Variants in COBLL1 observed in about 807,000 individuals in gnomAD.
COBLL1 encodes the protein cordon-bleu protein-like 1.
A neutral mutation model predicts 94.8 loss-of-function variants in COBLL1; 50 were observed. The ratio of observed to expected loss-of-function variants is 0.53; its 90% CI spans 0.42 to 0.67. COBLL1 has a LOEUF of 0.67. Ranked by LOEUF, COBLL1 falls within the 30% of genes least tolerant of loss-of-function variation. COBLL1 has a pLI of 0.00. For synonymous variants in COBLL1, 448 were observed against 473.8 expected (o/e 0.95, Z 0.71); for missense variants, 1,362 against 1,348.7 (o/e 1.01, Z -0.15).
chr2:164,720,714 C>T (rs1387350823), intron 7 of COBLL1, among the ~76,000 whole-genome samples: 1 of 152,128 alleles, frequency 6.6e-6, no homozygotes, highest in Admixed American at 6.5e-5. Context: ...TGCTCATGTC[C>T]AGGCAAGCCA....
chr2:164,839,721 G>A (rs192220162), intron 2 of COBLL1, among the ~76,000 whole-genome samples: 3 of 151,924 alleles, frequency 2.0e-5, no homozygotes, highest in Non-Finnish European at 2.9e-5. Flanking sequence ...CTGTCTCATC[G>A]TCAATTCACA....
At chr2:164,689,972 A>C (rs1310614225) in intron 13 of COBLL1, among the ~76,000 whole-genome samples, 1 of 152,146 alleles carries the variant, frequency 6.6e-6, no homozygotes, top group Non-Finnish European at 1.5e-5. Flanking sequence ...AACTTTATGC[A>C]TATATATCTG....
In COBLL1 at chr2:164,728,941, G is replaced by A. The variant is rs929289816; in HGVS notation, c.433-744C>T. Among the ~76,000 whole-genome samples, 23 of 151,806 alleles carry A rather than the reference G, an allele frequency of 1.5e-4. 1 individual carries two copies. Among genetic ancestry groups the A allele is most frequent in the African/African-American group, 5.1e-4 (21 of 41,366 alleles). ...AACATGAGACCATACTAAGTGAAAC[G>A]TACATTTTGCAGGTCCTTAAAGACC... On this transcript the variant is annotated intron_variant, in intron 4 of 13. Transcript: ENST00000652658.
intron 2 of COBLL1, among the ~76,000 whole-genome samples, chr2:164,662,549 T>C (rs1260200296): frequency 6.6e-6 from 1 of 152,182 alleles, no homozygotes; most frequent in Non-Finnish European, 1.5e-5. Context: ...GTGATATCGT[T>C]TCAATATATG....
chr2:164,672,857 G>A (rs1691268348), intron 1 of COBLL1, among the ~76,000 whole-genome samples: 1 of 152,104 alleles, frequency 6.6e-6, no homozygotes, highest in Non-Finnish European at 1.5e-5. Context: ...GAGGCTCTGA[G>A]AAGTGAAGTA....
At chr2:164,834,796 T>C (rs2105389678) in intron 2 of COBLL1, among the ~76,000 whole-genome samples, 1 of 152,254 alleles carries the variant, frequency 6.6e-6, no homozygotes, top group Middle Eastern at 3.4e-3. Context: ...CAGATTAACA[T>C]CCAGAATATA....
intron 2 of COBLL1, among the ~76,000 whole-genome samples, chr2:164,814,720 A>G (rs1390118090): frequency 6.6e-6 from 1 of 152,184 alleles, no homozygotes; most frequent in Admixed American, 6.5e-5. Flanking sequence ...ATATCATATA[A>G]AGAAAAACAG....
chr2:164,673,957 G>A (rs2105389135), intron 1 of COBLL1, among the ~76,000 whole-genome samples: 1 of 152,264 alleles, frequency 6.6e-6, no homozygotes, highest in Admixed American at 6.5e-5. Context: ...ATACTATTGA[G>A]TACCTCTATT....
At position 164,799,817 on chromosome 2, in the gene COBLL1, A is replaced by G. The variant is rs544938714; in HGVS notation, c.41+41339T>C. Among the ~76,000 whole-genome samples, 52 of 152,324 alleles carry G rather than the reference A, an allele frequency of 3.4e-4. 1 individual carries two copies. The South Asian group carries it at 0.011, about 32-fold the overall frequency. On this transcript the variant is annotated intron_variant, in intron 2 of 13. Coordinates refer to ENST00000652658, the MANE Select transcript of COBLL1 (RefSeq NM_001365672.2). ...CAAACATGAACAACTTGTTTTTGAC[A>G]AAGGTGCAAAGGCAATTCATTAGAG... is the stretch of plus-strand genomic sequence containing the variant.
intron 9 of COBLL1, among the ~76,000 whole-genome samples, chr2:164,702,433 G>A (rs1055539798): frequency 4.0e-4 from 60 of 151,142 alleles, no homozygotes; most frequent in South Asian, 8.4e-4. Flanking sequence ...GTGTGGTGGC[G>A]GGCGCCTGTA....
downstream of COBLL1, among the ~76,000 whole-genome samples, chr2:164,675,327 A>G (rs369672354): frequency 1.0e-3 from 152 of 152,298 alleles, 6 homozygotes; most frequent in South Asian, 0.031. Flanking sequence ...TCAGCCTTCT[A>G]CAAGTGAGCT....
At chr2:164,759,114 AC>A (rs1227062784) in intron 2 of COBLL1, among the ~76,000 whole-genome samples, 2 of 152,180 alleles carry the variant, frequency 1.3e-5, no homozygotes, top group Non-Finnish European at 2.9e-5. Flanking sequence ...AAACAATAAA[AC>A]CAAAAGTTGC....
In COBLL1 at chr2:164,766,367, T is replaced by C. The variant is rs547107470; in HGVS notation, c.42-22492A>G. ...CCCCAATGTTGGAGATGGAGCCAGA[T>C]GGGAGGTGACTGAATCATGGGGGTG... On this transcript the variant is annotated intron_variant, in intron 2 of 13. Transcript: ENST00000652658. Among the ~76,000 whole-genome samples the C allele has an allele frequency of 2.6e-5, 4 of 152,244 alleles. No individual in the cohort carries two copies. The South Asian group carries it at 6.2e-4, about 24-fold the overall frequency.
chr2:164,716,961 C>T (rs1019108911), intron 7 of COBLL1, among the ~76,000 whole-genome samples: 2 of 152,132 alleles, frequency 1.3e-5, no homozygotes, highest in African/African-American at 4.8e-5. Flanking sequence ...AACATAGTTT[C>T]TGTGGCTCTT....
At chr2:164,716,514 G>A (rs1022569208) in intron 7 of COBLL1, among the ~76,000 whole-genome samples, 1 of 152,098 alleles carries the variant, frequency 6.6e-6, no homozygotes, top group South Asian at 2.1e-4. Context: ...TTGAAATAAT[G>A]TGAAAGAGGG....
At chr2:164,675,821 C>A (rs1418263099), downstream of COBLL1, among the ~76,000 whole-genome samples, 1 of 152,144 alleles carries the variant, frequency 6.6e-6, no homozygotes, top group Non-Finnish European at 1.5e-5. Context: ...GGGACTCACC[C>A]TTTAAATTGA....
At chr2:164,749,741 T>C (rs1687035006) in intron 2 of COBLL1, among the ~76,000 whole-genome samples, 1 of 152,176 alleles carries the variant, frequency 6.6e-6, no homozygotes, top group African/African-American at 2.4e-5. Context: ...TGAAAAGATA[T>C]GCAATAATGA....
rs1684078627 is a variant in COBLL1, at chr2:164,805,344, T to TAAATATATATGTATAAATATATATAA, written c.41+35811_41+35812insTTATATATATTTATACATATATATTT. The stretch of plus-strand genomic sequence containing the variant: ...CTCTCTCTCTCTCTCTCTCTATATA[T>TAAATATATATGTATAAATATATATAA]ATATATATATATATATATAAAACTA... On this transcript the variant is annotated intron_variant, in intron 2 of 13. Transcript: ENST00000652658. Among the ~76,000 whole-genome samples the TAAATATATATGTATAAATATATATAA allele has an allele frequency of 1.1e-4, 11 of 100,536 alleles. 2 individuals are homozygous for TAAATATATATGTATAAATATATATAA. The highest frequency in any genetic ancestry group is 4.4e-4 in the African/African-American group (11 of 24,876). The allele number at this position is 100,536 out of a possible 152,430, so 66.0% of individuals were successfully genotyped here. A position where few individuals can be genotyped will look rare whatever the true frequency, so the allele number is the denominator to read the frequency against.
chr2:164,837,537 T>C (rs562702736), intron 2 of COBLL1: 1 of 439,648 alleles, frequency 2.3e-6, no homozygotes, highest in South Asian at 1.7e-5. Flanking sequence ...GGATTTCCAC[T>C]TCATAGAAAC....
Sources: gnomAD v4.1 joint callset for allele counts (sites outside exome capture counted in the v4.1 genomes callset) on GRCh38, gnomAD v4.1.1 for gene constraint, MANE v1.5 for transcripts, NCBI Gene and HGNC (gene_info 2026-07-23, HGNC 2026-07-21) for gene names.